The following IL1RAPL2 variants were observed in gnomAD, a reference collection of about 807,000 sequenced individuals.
The protein encoded by IL1RAPL2 is interleukin 1 receptor accessory protein like 2, also known as X-linked interleukin-1 receptor accessory protein-like 2.
IL1RAPL2 carries 3 observed loss-of-function variants against 44.1 expected under a neutral mutation model. The ratio of observed to expected loss-of-function variants is 0.07; its 90% CI spans 0.03 to 0.18. The LOEUF (loss-of-function observed/expected upper bound fraction) is 0.18. Among genes scored for constraint, IL1RAPL2 ranks in the 10% least tolerant of loss-of-function variants. The pLI, the probability that IL1RAPL2 is intolerant of heterozygous loss-of-function variation, is 1.00. For missense variants in IL1RAPL2, 391 were observed against 496.4 expected, an observed-to-expected ratio of 0.79 and a Z score of 2.02; for synonymous variants, 181 against 178.8, an observed-to-expected ratio of 1.01 and a Z score of -0.10.
At chrX:105,044,271 A>G (rs1473084085) in intron 2 of IL1RAPL2, among the ~76,000 whole-genome samples, 2 of 111,364 alleles carry the variant, frequency 1.8e-5, no homozygotes, top group Non-Finnish European at 3.8e-5. Flanking sequence ...ACTTAGGCCT[A>G]CCAGATCCTC....
At chrX:104,743,260 T>C (rs369268704) in intron 2 of IL1RAPL2, among the ~76,000 whole-genome samples, 3 of 111,020 alleles carry the variant, frequency 2.7e-5, no homozygotes, top group East Asian at 5.7e-4. Context: ...ATGTTCCCTC[T>C]TTGAGGCCAC....
intron 8 of IL1RAPL2, among the ~76,000 whole-genome samples, chrX:105,743,663 C>T (rs1379414760): frequency 9.0e-6 from 1 of 111,580 alleles, no homozygotes; most frequent in Non-Finnish European, 1.9e-5. Context: ...TCTTCCCCCC[C>T]ACTAAAATAT....
chrX:105,337,655 G>A (rs2035038488), intron 5 of IL1RAPL2, among the ~76,000 whole-genome samples: 1 of 111,821 alleles, frequency 8.9e-6, no homozygotes, highest in Non-Finnish European at 1.9e-5. Flanking sequence ...ACTTTGGGAG[G>A]CTGAGGCGGG....
At chrX:105,680,116 C>T (rs921406832) in intron 6 of IL1RAPL2, among the ~76,000 whole-genome samples, 29 of 111,566 alleles carry the variant, frequency 2.6e-4, no homozygotes, top group African/African-American at 9.5e-4. Flanking sequence ...TTCTCCTCCT[C>T]AGCCTCCCAA....
chrX:104,746,259 C>T (rs150640701), intron 2 of IL1RAPL2, among the ~76,000 whole-genome samples: 2,959 of 111,323 alleles, frequency 0.027, 38 homozygotes, highest in Middle Eastern at 0.06. Context: ...CATAGCTAGT[C>T]TGACTCCAAG....
chrX:104,950,309 A>T (rs932089450), intron 2 of IL1RAPL2, among the ~76,000 whole-genome samples: 1 of 112,016 alleles, frequency 8.9e-6, no homozygotes, highest in Non-Finnish European at 1.9e-5. Context: ...CCACTTGAGG[A>T]GGCAGTCTGC....
intron 5 of IL1RAPL2, among the ~76,000 whole-genome samples, chrX:105,428,223 C>T: frequency 9.0e-6 from 1 of 111,554 alleles, no homozygotes; most frequent in South Asian, 3.7e-4. Context: ...ATAGACAGTA[C>T]TAATATAAAA....
intron 3 of IL1RAPL2, among the ~76,000 whole-genome samples, chrX:105,215,322 CTA>C (rs2033846238): frequency 8.9e-6 from 1 of 112,017 alleles, no homozygotes; most frequent in Non-Finnish European, 1.9e-5. Flanking sequence ...ACAGAGAATA[CTA>C]TAAACACCTC....
At chrX:105,673,254 A>G (rs1275862897) in intron 6 of IL1RAPL2, among the ~76,000 whole-genome samples, 1 of 110,853 alleles carries the variant, frequency 9.0e-6, no homozygotes, top group South Asian at 3.9e-4. Context: ...TGCTGGACCT[A>G]TCAACCCATC....
chrX:105,053,718 CAAAT>C (rs1402686223), intron 2 of IL1RAPL2, among the ~76,000 whole-genome samples: 1 of 111,958 alleles, frequency 8.9e-6, no homozygotes, highest in Non-Finnish European at 1.9e-5. Flanking sequence ...TTGATATAAA[CAAAT>C]AGAGTAAAGT....
intron 6 of IL1RAPL2, among the ~76,000 whole-genome samples, chrX:105,716,510 G>T (rs867949234): frequency 2.7e-5 from 3 of 111,602 alleles, no homozygotes; most frequent in Admixed American, 9.5e-5. Flanking sequence ...CAGGCCCACA[G>T]CCACTTGGAT....
intron 2 of IL1RAPL2, among the ~76,000 whole-genome samples, chrX:105,173,726 T>G (rs2033445897): frequency 9.4e-6 from 1 of 106,008 alleles, no homozygotes; most frequent in African/African-American, 3.8e-5. Context: ...TAACTGCTGC[T>G]TCTTTTTTTT....
intron 2 of IL1RAPL2, among the ~76,000 whole-genome samples, chrX:104,778,779 G>C (rs949874040): frequency 9.2e-6 from 1 of 109,102 alleles, no homozygotes; most frequent in Non-Finnish European, 1.9e-5. Flanking sequence ...GGTAGACTGG[G>C]GCTACCTTGG....
chrX:105,076,349 G>A (rs755078153), intron 2 of IL1RAPL2, among the ~76,000 whole-genome samples: 126 of 111,508 alleles, frequency 1.1e-3, no homozygotes, highest in African/African-American at 4.0e-3. Context: ...GTAATTGAGT[G>A]GTTTTGAGTG....
intron 5 of IL1RAPL2, among the ~76,000 whole-genome samples, chrX:105,314,128 C>T (rs2034818696): frequency 9.0e-6 from 1 of 111,147 alleles, no homozygotes; most frequent in Non-Finnish European, 1.9e-5. Context: ...GTTTAAAAGC[C>T]TTCAGAATCT....
At chrX:105,035,674 T>G (rs1457063128) in intron 2 of IL1RAPL2, among the ~76,000 whole-genome samples, 1 of 112,396 alleles carries the variant, frequency 8.9e-6, no homozygotes, top group East Asian at 2.8e-4. Context: ...ATCCAAAGTG[T>G]TTTTGCATTA....
intron 5 of IL1RAPL2, among the ~76,000 whole-genome samples, chrX:105,425,189 A>G (rs1260777145): frequency 9.0e-6 from 1 of 111,608 alleles, no homozygotes; most frequent in African/African-American, 3.3e-5. Flanking sequence ...AAACCTTGGA[A>G]GGGTATGGAC....
intron 2 of IL1RAPL2, among the ~76,000 whole-genome samples, chrX:104,995,211 G>A (rs2030727157): frequency 9.0e-6 from 1 of 111,173 alleles, no homozygotes; most frequent in Non-Finnish European, 1.9e-5. Flanking sequence ...TTGTTTCTAG[G>A]TACTTTTATT....
At chrX:104,947,473 G>A (rs1355357521) in intron 2 of IL1RAPL2, among the ~76,000 whole-genome samples, 9 of 101,382 alleles carry the variant, frequency 8.9e-5, no homozygotes, top group Non-Finnish European at 1.6e-4. Context: ...TTGGTGTTTT[G>A]GACATGAAGT....
Sources: allele counts gnomAD v4.1 joint callset (sites outside exome capture counted in the v4.1 genomes callset), GRCh38; gene constraint gnomAD v4.1.1; transcripts MANE v1.5; gene names NCBI Gene and HGNC (gene_info 2026-07-23, HGNC 2026-07-21).